Variants in TMEM130 observed in about 807,000 individuals in gnomAD.
TMEM130 encodes transmembrane protein 130.
In TMEM130, 37 loss-of-function variants were observed where a neutral mutation model predicts 42.9. The ratio of observed to expected loss-of-function variants is 0.86; its 90% CI spans 0.66 to 1.13. The LOEUF (loss-of-function observed/expected upper bound fraction) is 1.13. TMEM130 is among the 50% of genes most tolerant of loss of function. The pLI is 0.00. For missense variants in TMEM130, 545 were observed against 562.6 expected, an observed-to-expected ratio of 0.97 and a Z score of 0.32; for synonymous variants, 259 against 237.7, an observed-to-expected ratio of 1.09 and a Z score of -0.82.
At chr7:98,868,548 T>C (rs981730031) in intron 1 of TMEM130, among the ~76,000 whole-genome samples, 2 of 152,158 alleles carry the variant, frequency 1.3e-5, no homozygotes, top group African/African-American at 4.8e-5. Context: ...AACCCAGAAT[T>C]AATTAATAGT....
chr7:98,857,199 A>G (rs1010537817), intron 3 of TMEM130, among the ~76,000 whole-genome samples: 5 of 152,208 alleles, frequency 3.3e-5, no homozygotes, highest in Non-Finnish European at 5.9e-5. Context: ...CTGGAATGAC[A>G]GGTGTGAGCC....
At chr7:98,867,675 CTGCTGCAGACAT>C (rs1272750924) in intron 1 of TMEM130, among the ~76,000 whole-genome samples, 11 of 152,306 alleles carry the variant, frequency 7.2e-5, no homozygotes, top group African/African-American at 1.4e-4. Context: ...GGGGCTGTGT[CTGCTGCAGACAT>C]TGCTGCAGAC....
intron 1 of TMEM130, chr7:98,865,948 C>T: frequency 5.6e-6 from 1 of 177,644 alleles, no homozygotes; most frequent in Non-Finnish European, 1.2e-5. Context: ...CCCCCAGGAA[C>T]CTGTCAGCTC....
chr7:98,855,212 C>T, intron 5 of TMEM130, 28 bp downstream of exon 5: 1 of 1,597,824 alleles, frequency 6.3e-7, no homozygotes, highest in Non-Finnish European at 8.6e-7. Flanking sequence ...CCACGGGGCA[C>T]CCCCAGTGCG....
In TMEM130 at chr7:98,869,719, G is replaced by T. The variant is rs1197242955; in HGVS notation, c.85+58C>A. On this transcript the variant is annotated intron_variant, in intron 1 of 7. Coordinates refer to ENST00000339375, the MANE Select transcript of TMEM130 (RefSeq NM_152913.3). This position sits in a 1 kb window ranked among gnomAD's most constrained non-coding sequence, Gnocchi z 4.7. ...CCCGGGCCCACTCGCCCGCTGAGAC[G>T]GTTCCAGGCCCCGGGCGGGCTGCGG... 7 of 1,265,598 alleles carry T rather than the reference G, an allele frequency of 5.5e-6. No individual in the cohort carries two copies. Among genetic ancestry groups the T allele is most frequent in the Admixed American group, 7.8e-5 (2 of 25,660 alleles). The allele number at this position is 1,265,598 out of a possible 1,614,324, so 78.4% of individuals were successfully genotyped here.
chr7:98,850,273 A>ATTT lies in TMEM130; in HGVS notation c.1006+1145_1006+1147dup, dbSNP rs1554398023. Among the ~76,000 whole-genome samples the ATTT allele has an allele frequency of 8.7e-4, 31 of 35,472 alleles. 1 individual carries two copies. The highest frequency in any genetic ancestry group is 2.3e-3 in the African/African-American group (30 of 13,128). The allele number at this position is 35,472 out of a possible 152,430, so 23.3% of individuals were successfully genotyped here. On this transcript the variant is annotated intron_variant, in intron 6 of 7. Transcript: ENST00000339375. ...CTCATATATATATATATATATATATATTTTTTTTTTTTTTTAATTTTTTGA... is the reference window on the plus strand; with the variant it reads ...CTCATATATATATATATATATATATATTTTTTTTTTTTTTTTTTAATTTTTTGA...
At chr7:98,861,763 G>A (rs147709721) in intron 2 of TMEM130, among the ~76,000 whole-genome samples, 48 of 152,208 alleles carry the variant, frequency 3.2e-4, no homozygotes, top group African/African-American at 1.1e-3. Context: ...AAAGAAAAAG[G>A]CATGCTCAAT....
In TMEM130 at chr7:98,848,045, AG is replaced by A; in HGVS notation, c.*10del. The A allele has an allele frequency of 6.2e-7, 1 of 1,608,938 alleles. No homozygotes were observed. Among genetic ancestry groups the A allele is most frequent in the Non-Finnish European group, 8.5e-7 (1 of 1,176,750 alleles). On this transcript the variant is annotated 3_prime_UTR_variant, in exon 8 of 8. Transcript: ENST00000339375. The stretch of plus-strand genomic sequence containing the variant: ...CAGTTAACACTGAGATGGGGTGGGG[AG>A]GGGGAGTGCTCACACGGTGTAAGTT...
chr7:98,850,273 A>ATATTTTTTT, intron 6 of TMEM130, among the ~76,000 whole-genome samples: 2 of 35,472 alleles, frequency 5.6e-5, no homozygotes, highest in African/African-American at 7.6e-5. Context: ...ATATATATAT[A>ATATTTTTTT]TTTTTTTTTT....
rs1478689061 is a variant in TMEM130 at position 98,870,002 on chromosome 7, C to G, written c.-141G>C. ...GGGCGCCGTGCTCGCTCGTCCTCGC[C>G]GGGGGACGCTCTGTCGCTGCGCGCC... On this transcript the variant is annotated 5_prime_UTR_variant, in exon 1 of 8. Transcript: ENST00000339375. The G allele has an allele frequency of 9.1e-6, 4 of 438,572 alleles. No homozygotes were observed. The highest frequency in any genetic ancestry group is 1.4e-5 in the Non-Finnish European group (4 of 275,928). The allele number at this position is 438,572 out of a possible 1,614,324, so 27.2% of individuals were successfully genotyped here. A position where few individuals can be genotyped will look rare whatever the true frequency, so the allele number is the denominator to read the frequency against.
rs374625678 is a variant in TMEM130, at chr7:98,855,221, C to T, written c.803+19G>A. 29 of 1,604,904 alleles carry T rather than the reference C, an allele frequency of 1.8e-5. No homozygotes were observed. The highest frequency in any genetic ancestry group is 3.3e-4 in the Middle Eastern group (2 of 6,060). ...CAGAGCCCACGGGGCACCCCCAGTG[C>T]GCTCTGGAGCTCACTTACCTCCCCA... is the stretch of plus-strand genomic sequence containing the variant. On this transcript the variant is annotated intron_variant, in intron 5 of 7. Transcript: ENST00000339375.
chr7:98,869,330 C>A lies in TMEM130; in HGVS notation c.85+447G>T, dbSNP rs1217929304. 3.2e-6 allele frequency: 4 copies of A among 1,256,940 alleles called. No homozygotes were observed. The Admixed American group carries it at 8.1e-5, about 25-fold the overall frequency. 77.9% of individuals were successfully genotyped at this position (1,256,940 alleles called of 1,614,324 possible). A position where few individuals can be genotyped will look rare whatever the true frequency, so the allele number is the denominator to read the frequency against. On this transcript the variant is annotated intron_variant, in intron 1 of 7. Transcript: ENST00000339375. This position sits in a 1 kb window ranked among gnomAD's most constrained non-coding sequence, Gnocchi z 4.7. ...AGCACCAACACGGTGGGAAACCCCT[C>A]TAGATGAGGCGACATTTTAAGGCAA...
chr7:98,869,857 G>A lies in TMEM130; in HGVS notation c.5C>T (p.Ala2Val). Residue 2 changes from alanine to valine, a missense_variant, in exon 1 of 8, where the codon GCC becomes GTC. Transcript: ENST00000339375. This position sits in a 1 kb window ranked among gnomAD's most constrained non-coding sequence, Gnocchi z 4.7. Reference sequence around the variant, plus strand: ...GCCGAGGCGCGACCACACTGCCTGGGCCATTGCGGGGCCCGGAGCGGGAGA... The same window carrying A: ...GCCGAGGCGCGACCACACTGCCTGGACCATTGCGGGGCCCGGAGCGGGAGA... M[A>V]QAVWSRLGRI... 7.2e-7 allele frequency: 1 copy of A among 1,390,150 alleles called. No homozygotes were observed. Among genetic ancestry groups the A allele is most frequent in the Non-Finnish European group, 9.4e-7 (1 of 1,068,396 alleles). 86.1% of individuals were successfully genotyped at this position (1,390,150 alleles called of 1,614,324 possible).
Position 98,860,200 on chromosome 7 carries a change from T to A in TMEM130, c.530A>T (p.Tyr177Phe). ...SNFLKTALFL[Y>F]SWDFGDGTQM... ...CTACCCGTCCCCGAAGTCCCAGCTG[T>A]AGAGAAACAAGGCGGTCTTGAGGAA... The change falls in exon 3 of 8, where the codon TAC becomes TTC. Residue 177 changes from tyrosine to phenylalanine, a missense_variant. By Grantham distance (22) the Tyr-to-Phe change is conservative. Coordinates refer to ENST00000339375, the MANE Select transcript of TMEM130 (RefSeq NM_152913.3). 6.2e-7 allele frequency: 1 copy of A among 1,613,744 alleles called. No homozygotes were observed. The highest frequency in any genetic ancestry group is 8.5e-7 in the Non-Finnish European group (1 of 1,179,796).
At chr7:98,861,827 A>C (rs1239492840) in intron 2 of TMEM130, among the ~76,000 whole-genome samples, 2 of 152,248 alleles carry the variant, frequency 1.3e-5, no homozygotes, top group African/African-American at 4.8e-5. Flanking sequence ...GAAGCTAACT[A>C]ACATTCACCT....
chr7:98,855,022 C>T (rs754889469), intron 5 of TMEM130, among the ~76,000 whole-genome samples: 1 of 152,168 alleles, frequency 6.6e-6, no homozygotes, highest in Non-Finnish European at 1.5e-5. Flanking sequence ...GGCGAAAGAG[C>T]GAGACTCCGT....
rs545201997 is a variant in TMEM130 at position 98,860,996 on chromosome 7, A to G, written c.392-658T>C. On this transcript the variant is annotated intron_variant, in intron 2 of 7. Transcript: ENST00000339375. ...AGGAAATGCATAAGCTTTGAAAGGA[A>G]CTTTTGAGAAATATTTCAGAATGTC... Among the ~76,000 whole-genome samples the G allele has an allele frequency of 2.0e-5, 3 of 149,168 alleles. No homozygotes were observed. The East Asian group carries it at 6.1e-4, about 30-fold the overall frequency.
At chr7:98,863,891 TCTCA>T in intron 1 of TMEM130, among the ~76,000 whole-genome samples, 1 of 150,758 alleles carries the variant, frequency 6.6e-6, no homozygotes, top group East Asian at 2.0e-4. Flanking sequence ...TCTCTCTCTC[TCTCA>T]CTCTCTCTCT....
intron 1 of TMEM130, among the ~76,000 whole-genome samples, chr7:98,864,336 G>A (rs1794859664): frequency 6.6e-6 from 1 of 151,406 alleles, no homozygotes; most frequent in African/African-American, 2.4e-5. Context: ...CTGCCAAGTA[G>A]CTGTGACTTG....
Sources: gnomAD v4.1 joint callset for allele counts (sites outside exome capture counted in the v4.1 genomes callset) on GRCh38, gnomAD v4.1.1 for gene constraint, Gnocchi (gnomAD v3.1) non-coding constraint, MANE v1.5 for transcripts, NCBI Gene and HGNC (gene_info 2026-07-23, HGNC 2026-07-21) for gene names.